Variants in MTURN observed in about 807,000 individuals in gnomAD.
MTURN encodes maturin, neural progenitor differentiation regulator homolog.
A neutral mutation model predicts 14.9 loss-of-function variants in MTURN; 7 were observed. The observed-to-expected ratio is 0.47, with a 90% CI of 0.27 to 0.88. The LOEUF (loss-of-function observed/expected upper bound fraction) is 0.88, where lower values mean the gene tolerates loss of function less well. MTURN is among the 40% of genes least tolerant of loss of function. The probability of loss-of-function intolerance (pLI) is 0.14; values close to 1 mark genes in which losing one functional copy is unlikely to be tolerated. For missense variants in MTURN, 151 were observed against 174.1 expected (o/e 0.87, Z 0.75); for synonymous variants, 69 against 72.5 (o/e 0.95, Z 0.25).
At position 30,144,928 on chromosome 7, in the gene MTURN, C is replaced by CTTT. The variant is rs11411711; in HGVS notation, c.163-1227_163-1225dup. Among the ~76,000 whole-genome samples, 386 of 73,966 alleles carry CTTT rather than the reference C, an allele frequency of 5.2e-3. 31 individuals carry two copies. The highest frequency in any genetic ancestry group is 0.012 in the African/African-American group (206 of 17,774). The allele number at this position is 73,966 out of a possible 152,430, so 48.5% of individuals were successfully genotyped here. On this transcript the variant is annotated intron_variant, in intron 1 of 2. Coordinates refer to ENST00000324453, the MANE Select transcript of MTURN (RefSeq NM_152793.3). ...TCTTTCTTTCTCCCAGACCTCAATA[C>CTTT]TTTTTTTTTTTTTTTTTTTTTTTTG...
Position 30,135,257 on chromosome 7 carries a change from T to C in MTURN, c.121T>C (p.Phe41Leu). The change falls in exon 1 of 3, where the codon TTC becomes CTC. Residue 41 changes from phenylalanine (F) to leucine (L), a missense_variant. Phe to Leu is a conservative substitution (Grantham distance 22). Coordinates refer to ENST00000324453, the MANE Select transcript of MTURN (RefSeq NM_152793.3). Reference protein sequence around the residue: ...MDFYADPGVSFYVLCPDNGCG... With the variant: ...MDFYADPGVSLYVLCPDNGCG... ...TTTCTACGCCGACCCCGGCGTCTCC[T>C]TCTATGTGCTGTGTCCGGACAACGG... 1.3e-6 allele frequency: 2 copies of C among 1,523,138 alleles called. No homozygotes were observed. Among genetic ancestry groups the C allele is most frequent in the Admixed American group, 2.0e-5 (1 of 49,268 alleles). 94.4% of individuals were successfully genotyped at this position (1,523,138 alleles called of 1,614,324 possible).
chr7:30,142,468 C>A (rs1001246477), intron 1 of MTURN, among the ~76,000 whole-genome samples: 3 of 152,158 alleles, frequency 2.0e-5, no homozygotes, highest in African/African-American at 7.2e-5. Context: ...ATGTAGTTAG[C>A]CAAAGTTCTG....
intron 2 of MTURN, among the ~76,000 whole-genome samples, chr7:30,156,211 A>C (rs907800781): frequency 1.3e-5 from 2 of 152,206 alleles, no homozygotes; most frequent in African/African-American, 4.8e-5. Context: ...GCTTTAAAAA[A>C]CGATGTTTAT....
rs1797343766 is a variant in MTURN at position 30,159,874 on chromosome 7, G to A, written c.*2326G>A. The A allele has an allele frequency of 2.0e-5, 3 of 152,656 alleles. No individual in the cohort carries two copies. The South Asian group carries it at 6.2e-4, about 32-fold the overall frequency. 9.5% of individuals were successfully genotyped at this position (152,656 alleles called of 1,614,324 possible). On this transcript the variant is annotated 3_prime_UTR_variant, in exon 3 of 3. Coordinates refer to ENST00000324453, the MANE Select transcript of MTURN (RefSeq NM_152793.3). ...GGGCTGTGCATGGTGCAAAGCTGCA[G>A]TCAGTGAGCCTGGCAGCCTGTGGTT...
At chr7:30,150,588 A>G (rs1472127627) in intron 2 of MTURN, among the ~76,000 whole-genome samples, 2 of 152,182 alleles carry the variant, frequency 1.3e-5, no homozygotes, top group Non-Finnish European at 1.5e-5. Context: ...TTATCAGAAA[A>G]TATATTTTTT....
At chr7:30,137,839 A>G (rs1275831163) in intron 1 of MTURN, 1 of 353,146 alleles carries the variant, frequency 2.8e-6, no homozygotes, top group Non-Finnish European at 5.7e-6. Flanking sequence ...GAATGTCTAC[A>G]TGAGCATTTC....
At chr7:30,139,863 C>G (rs963480156) in intron 1 of MTURN, among the ~76,000 whole-genome samples, 1 of 152,198 alleles carries the variant, frequency 6.6e-6, no homozygotes, top group Non-Finnish European at 1.5e-5. Context: ...GCCCCATGAT[C>G]AGGGCCTGGG....
At chr7:30,150,650 G>A (rs768803978) in intron 2 of MTURN, among the ~76,000 whole-genome samples, 2 of 152,238 alleles carry the variant, frequency 1.3e-5, no homozygotes, top group Non-Finnish European at 2.9e-5. Flanking sequence ...ATCAGTGTGA[G>A]CAGGCTCATT....
intron 1 of MTURN, among the ~76,000 whole-genome samples, chr7:30,135,717 C>T (rs1562565874): frequency 6.6e-6 from 1 of 152,192 alleles, no homozygotes; most frequent in Admixed American, 6.5e-5. Context: ...CCGGCAGGAG[C>T]CCAGGTCCGG....
At chr7:30,145,988 T>C in intron 1 of MTURN, 189 bp from the exon 2 acceptor site, 2 of 1,549,142 alleles carry the variant, frequency 1.3e-6, no homozygotes, top group Non-Finnish European at 8.7e-7. Context: ...GGGGCTTCTA[T>C]AGATTAGACA....
chr7:30,160,529 A>T lies in MTURN; in HGVS notation c.*2981A>T, dbSNP rs1220615890. Reference sequence around the variant, plus strand: ...TGAGTGCCAGTACTTTTGGCCTGTTATCCAGTAGAGAGAAAGTGACAGTGA... The same window carrying T: ...TGAGTGCCAGTACTTTTGGCCTGTTTTCCAGTAGAGAGAAAGTGACAGTGA... On this transcript the variant is annotated 3_prime_UTR_variant, in exon 3 of 3. Coordinates refer to ENST00000324453, the MANE Select transcript of MTURN (RefSeq NM_152793.3). The T allele has an allele frequency of 1.3e-5, 2 of 152,284 alleles. No individual in the cohort carries two copies. The highest frequency in any genetic ancestry group is 6.5e-5 in the Admixed American group (1 of 15,278). The allele number at this position is 152,284 out of a possible 1,614,324, so 9.4% of individuals were successfully genotyped here.
Position 30,158,478 on chromosome 7 carries a change from A to T in MTURN, c.*930A>T, listed in dbSNP as rs1170612683. On this transcript the variant is annotated 3_prime_UTR_variant, in exon 3 of 3. Coordinates refer to ENST00000324453, the MANE Select transcript of MTURN (RefSeq NM_152793.3). ...TAAAAGTTTTTAAAAATATGGTAGA[A>T]TCCTTCTTTACTTTTTAAGTCTTTT... 1 of 151,750 alleles carries T rather than the reference A, an allele frequency of 6.6e-6. No individual in the cohort carries two copies. The highest frequency in any genetic ancestry group is 1.5e-5 in the Non-Finnish European group (1 of 67,934). The allele number at this position is 151,750 out of a possible 1,614,324, so 9.4% of individuals were successfully genotyped here. A position where few individuals can be genotyped will look rare whatever the true frequency, so the allele number is the denominator to read the frequency against.
At chr7:30,135,877 C>G (rs550289139) in intron 1 of MTURN, among the ~76,000 whole-genome samples, 2 of 152,386 alleles carry the variant, frequency 1.3e-5, no homozygotes, top group African/African-American at 4.8e-5. Flanking sequence ...ACACAAAGCT[C>G]TGTCCATACT....
rs543884388 is a variant in MTURN at position 30,135,328 on chromosome 7, C to T, written c.162+30C>T. 4.0e-6 allele frequency: 6 copies of T among 1,487,334 alleles called. 1 individual carries two copies. In the African/African-American group the frequency reaches 4.4e-5, roughly 11 times the overall value. 92.1% of individuals were successfully genotyped at this position (1,487,334 alleles called of 1,614,324 possible). A position where few individuals can be genotyped will look rare whatever the true frequency, so the allele number is the denominator to read the frequency against. On this transcript the variant is annotated intron_variant, in intron 1 of 2. Coordinates refer to ENST00000324453, the MANE Select transcript of MTURN (RefSeq NM_152793.3). ...GTGCCTGGAGGAGGGACCGCCGGAG[C>T]CGGCGGGAGTGTGGACGCGGCGGTG... is the stretch of plus-strand genomic sequence containing the variant.
rs33952294 is a variant in MTURN, at chr7:30,140,415, G to GTGTGTATATATATATATATATATA, written c.162+5118_162+5119insGTGTATATATATATATATATATAT. On this transcript the variant is annotated intron_variant, in intron 1 of 2. Transcript: ENST00000324453. ...GAGGGGTGTGTGTGTGTGTGTGTGT[G>GTGTGTATATATATATATATATATA]TATCCCCATTTGTGGTCTGAACACA... Among the ~76,000 whole-genome samples the GTGTGTATATATATATATATATATA allele has an allele frequency of 3.2e-3, 462 of 143,798 alleles. 4 individuals carry two copies. The highest frequency in any genetic ancestry group is 9.4e-3 in the South Asian group (41 of 4,362). 94.3% of individuals were successfully genotyped at this position (143,798 alleles called of 152,430 possible). A position where few individuals can be genotyped will look rare whatever the true frequency, so the allele number is the denominator to read the frequency against.
At chr7:30,155,742 G>A (rs1797277925) in intron 2 of MTURN, among the ~76,000 whole-genome samples, 1 of 152,208 alleles carries the variant, frequency 6.6e-6, no homozygotes, top group African/African-American at 2.4e-5. Context: ...AGATGATTTT[G>A]TCCTGAATGT....
At chr7:30,156,883 T>C (rs1797296600) in intron 2 of MTURN, among the ~76,000 whole-genome samples, 3 of 152,186 alleles carry the variant, frequency 2.0e-5, no homozygotes, top group South Asian at 2.1e-4. Context: ...TTTACACTTA[T>C]GTGCATCTTT....
At chr7:30,138,165 G>C (rs894445804) in intron 1 of MTURN, among the ~76,000 whole-genome samples, 9 of 152,054 alleles carry the variant, frequency 5.9e-5, no homozygotes, top group African/African-American at 2.2e-4. Flanking sequence ...GCCCAGGCTG[G>C]AGTGTAGTGG....
intron 1 of MTURN, among the ~76,000 whole-genome samples, chr7:30,139,309 G>T (rs1330228832): frequency 6.6e-6 from 1 of 152,176 alleles, no homozygotes; most frequent in Non-Finnish European, 1.5e-5. Context: ...TTTAACTTTA[G>T]TACTCTCACA....
Sources: gnomAD v4.1 joint callset for allele counts (sites outside exome capture counted in the v4.1 genomes callset) on GRCh38, gnomAD v4.1.1 for gene constraint, MANE v1.5 for transcripts, NCBI Gene and HGNC (gene_info 2026-07-23, HGNC 2026-07-21) for gene names.